The following UNC13C variants were observed in gnomAD, a reference collection of about 807,000 sequenced individuals.
UNC13C encodes the protein unc-13 homolog C, also known as protein unc-13 homolog C.
A neutral mutation model predicts 245.4 loss-of-function variants in UNC13C; 174 were observed. The ratio of observed to expected loss-of-function variants is 0.71; its 90% CI spans 0.63 to 0.80. The LOEUF (loss-of-function observed/expected upper bound fraction) is 0.80. UNC13C is among the 30% of genes least tolerant of loss of function. The pLI, the probability that UNC13C is intolerant of heterozygous loss-of-function variation, is 0.00. For missense variants in UNC13C, 2,829 were observed against 2,602.9 expected (o/e 1.09, Z -1.89); for synonymous variants, 992 against 895.1 (o/e 1.11, Z -1.93).
chr15:53,855,363 G>T, the UNC13C span, among the ~76,000 whole-genome samples: 1 of 152,148 alleles, frequency 6.6e-6, no homozygotes, highest in Non-Finnish European at 1.5e-5. Context: ...CGGCATCCTT[G>T]TCTTGTGCCA....
intron 17 of UNC13C, among the ~76,000 whole-genome samples, chr15:54,375,229 G>T (rs185691354): frequency 3.3e-4 from 50 of 152,296 alleles, no homozygotes; most frequent in Non-Finnish European, 5.9e-4. Context: ...CTCATTCAGT[G>T]CCTCAACTGT....
chr15:54,560,101 A>C (rs8033128), intron 29 of UNC13C, among the ~76,000 whole-genome samples: 5,641 of 152,080 alleles, frequency 0.037, 315 homozygotes, highest in African/African-American at 0.13. Context: ...AAAATTATAA[A>C]GTTAAGGTGG....
chr15:54,341,586 AT>A (rs1471293928), intron 17 of UNC13C, among the ~76,000 whole-genome samples: 2 of 147,174 alleles, frequency 1.4e-5, no homozygotes, highest in African/African-American at 4.9e-5. Context: ...TGTTGAAATT[AT>A]TTTTAAAAAT....
the UNC13C span, among the ~76,000 whole-genome samples, chr15:53,889,036 C>T: frequency 0.15 from 22,537 of 152,034 alleles, 1,939 homozygotes; most frequent in East Asian, 0.37. Context: ...TCTGCGGGCT[C>T]TTTTTTGGTT....
chr15:54,363,967 T>TAAAA, intron 17 of UNC13C, among the ~76,000 whole-genome samples: 1 of 152,164 alleles, frequency 6.6e-6, no homozygotes, highest in African/African-American at 2.4e-5. Flanking sequence ...GTCATACATT[T>TAAAA]GCGTAAATGC....
chr15:54,454,629 A>T (rs1039686744), intron 19 of UNC13C, among the ~76,000 whole-genome samples: 1 of 151,064 alleles, frequency 6.6e-6, no homozygotes, highest in African/African-American at 2.4e-5. Flanking sequence ...GATATCTTCT[A>T]TTCTACTTTC....
At chr15:53,838,272 A>G in the UNC13C span, among the ~76,000 whole-genome samples, 2 of 152,218 alleles carry the variant, frequency 1.3e-5, no homozygotes, top group Middle Eastern at 6.9e-3. Flanking sequence ...TTCTCCATAA[A>G]ATATCACAAA....
intron 2 of UNC13C, among the ~76,000 whole-genome samples, chr15:54,040,845 C>T (rs1022305287): frequency 6.6e-6 from 1 of 152,194 alleles, no homozygotes; most frequent in Non-Finnish European, 1.5e-5. Flanking sequence ...CAGGTATTCA[C>T]TTGGCTAAAT....
intron 4 of UNC13C, among the ~76,000 whole-genome samples, chr15:54,147,197 G>A (rs1311418276): frequency 1.3e-5 from 2 of 149,404 alleles, no homozygotes; most frequent in Non-Finnish European, 3.0e-5. Context: ...GGCAGCTACC[G>A]AGCATCAATT....
intron 30 of UNC13C, among the ~76,000 whole-genome samples, chr15:54,611,993 C>G (rs1566938840): frequency 6.6e-6 from 1 of 150,878 alleles, no homozygotes. Flanking sequence ...ACATGGATAT[C>G]TCATTTAATG....
intron 2 of UNC13C, among the ~76,000 whole-genome samples, chr15:54,081,374 C>T (rs35096796): frequency 0.47 from 71,035 of 151,586 alleles, 18,530 homozygotes; most frequent in Non-Finnish European, 0.6. Flanking sequence ...CTTTCTAGTG[C>T]TGTCAGTGGA....
At chr15:54,423,157 T>C (rs766515482) in intron 19 of UNC13C, among the ~76,000 whole-genome samples, 69 of 151,838 alleles carry the variant, frequency 4.5e-4, no homozygotes, top group Middle Eastern at 6.8e-3. Flanking sequence ...TTTATGTATA[T>C]ATATTTAAAT....
chr15:54,451,772 T>C (rs186062803), intron 19 of UNC13C, among the ~76,000 whole-genome samples: 17 of 152,360 alleles, frequency 1.1e-4, no homozygotes, highest in African/African-American at 3.6e-4. Context: ...TTCTTTTTCA[T>C]TGGAATATGT....
At chr15:54,066,628 G>A (rs1898088546) in intron 2 of UNC13C, among the ~76,000 whole-genome samples, 1 of 152,178 alleles carries the variant, frequency 6.6e-6, no homozygotes, top group Non-Finnish European at 1.5e-5. Flanking sequence ...AGATTTGTGA[G>A]CCTCAGAGGT....
At chr15:54,043,897 A>C (rs1389316677) in intron 2 of UNC13C, among the ~76,000 whole-genome samples, 3 of 152,230 alleles carry the variant, frequency 2.0e-5, no homozygotes, top group Non-Finnish European at 4.4e-5. Context: ...TTTCAGAATA[A>C]GTTTTTCCTA....
At chr15:54,360,254 T>C (rs548818935) in intron 17 of UNC13C, among the ~76,000 whole-genome samples, 2 of 152,110 alleles carry the variant, frequency 1.3e-5, no homozygotes, top group Non-Finnish European at 2.9e-5. Flanking sequence ...TTTCAAGTGC[T>C]GTTGAGAAAA....
chr15:53,883,208 G>A, the UNC13C span, among the ~76,000 whole-genome samples: 2 of 152,044 alleles, frequency 1.3e-5, no homozygotes, highest in Admixed American at 6.6e-5. Context: ...CTTACTATGA[G>A]GCTTTAATAT....
intron 19 of UNC13C, among the ~76,000 whole-genome samples, chr15:54,482,037 C>G (rs1893149263): frequency 1.3e-5 from 2 of 152,150 alleles, no homozygotes; most frequent in Non-Finnish European, 2.9e-5. Flanking sequence ...AGGTGGCTCT[C>G]AAGCCCTGGG....
At chr15:54,039,683 C>T (rs374225900) in intron 2 of UNC13C, among the ~76,000 whole-genome samples, 2 of 152,008 alleles carry the variant, frequency 1.3e-5, no homozygotes, top group East Asian at 1.9e-4. Flanking sequence ...ATGCCACTTG[C>T]GTGCTGAAGA....
Sources: allele counts gnomAD v4.1 joint callset (sites outside exome capture counted in the v4.1 genomes callset), GRCh38; gene constraint gnomAD v4.1.1; transcripts MANE v1.5; gene names NCBI Gene and HGNC (gene_info 2026-07-23, HGNC 2026-07-21).